The following ZC3H12B variants were observed in gnomAD, a reference collection of about 807,000 sequenced individuals.
The protein encoded by ZC3H12B is probable ribonuclease ZC3H12B.
ZC3H12B carries 7 observed loss-of-function variants against 43.9 expected under a neutral mutation model. The observed-to-expected ratio is 0.16, with a 90% CI of 0.09 to 0.30. The LOEUF is 0.30. Ranked by LOEUF, ZC3H12B falls within the 10% of genes least tolerant of loss-of-function variation. ZC3H12B has a pLI of 1.00. For synonymous variants in ZC3H12B, 222 were observed against 241.7 expected (o/e 0.92, Z 0.76); for missense variants, 475 against 670.2 (o/e 0.71, Z 3.22).
At chrX:65,323,327 A>T in the ZC3H12B span, among the ~76,000 whole-genome samples, 1 of 111,675 alleles carries the variant, frequency 9.0e-6, no homozygotes, top group Non-Finnish European at 1.9e-5. Context: ...ATCAGACCCA[A>T]CCCAGGACAT....
chrX:65,067,422 G>A, the ZC3H12B span, among the ~76,000 whole-genome samples: 1 of 111,217 alleles, frequency 9.0e-6, no homozygotes, highest in African/African-American at 3.3e-5. Flanking sequence ...TGAGCTTCCT[G>A]GGTGATGTGA....
At chrX:65,048,519 A>G in the ZC3H12B span, among the ~76,000 whole-genome samples, 4 of 111,727 alleles carry the variant, frequency 3.6e-5, no homozygotes, top group Non-Finnish European at 7.6e-5. Context: ...ACACCATTAT[A>G]TAGTCCCAAC....
At chrX:65,466,061 G>T (rs905951866) in intron 3 of ZC3H12B, among the ~76,000 whole-genome samples, 3 of 110,162 alleles carry the variant, frequency 2.7e-5, no homozygotes, top group African/African-American at 6.6e-5. Context: ...ATACAATATT[G>T]TTAACTATAG....
At chrX:65,167,118 A>G in the ZC3H12B span, among the ~76,000 whole-genome samples, 2 of 111,885 alleles carry the variant, frequency 1.8e-5, no homozygotes, top group Non-Finnish European at 3.8e-5. Context: ...GTACTTGCCC[A>G]TGCCTATGTC....
At chrX:65,172,891 T>C in the ZC3H12B span, among the ~76,000 whole-genome samples, 1 of 112,133 alleles carries the variant, frequency 8.9e-6, no homozygotes, top group South Asian at 3.7e-4. Context: ...TTGCTTAGGA[T>C]TGTCTTGGCT....
chrX:65,165,740 G>C, the ZC3H12B span, among the ~76,000 whole-genome samples: 8 of 112,121 alleles, frequency 7.1e-5, no homozygotes, highest in African/African-American at 1.9e-4. Flanking sequence ...ATTGAAAATA[G>C]TGCTGCAATA....
intron 3 of ZC3H12B, among the ~76,000 whole-genome samples, chrX:65,417,735 G>T (rs904217949): frequency 8.9e-6 from 1 of 112,740 alleles, no homozygotes; most frequent in Admixed American, 9.3e-5. Flanking sequence ...GCCTTTTTGC[G>T]TGGGCAAAGC....
chrX:65,229,592 C>G, the ZC3H12B span, among the ~76,000 whole-genome samples: 1 of 109,558 alleles, frequency 9.1e-6, no homozygotes, highest in African/African-American at 3.3e-5. Context: ...TCAGAGTGAA[C>G]AGGCAACCTA....
At chrX:65,120,213 A>T in the ZC3H12B span, among the ~76,000 whole-genome samples, 6 of 111,981 alleles carry the variant, frequency 5.4e-5, no homozygotes, top group Admixed American at 1.9e-4. Flanking sequence ...TGGGGATTGC[A>T]TTGAATCTAT....
chrX:65,233,964 T>C, the ZC3H12B span, among the ~76,000 whole-genome samples: 1 of 111,436 alleles, frequency 9.0e-6, no homozygotes, highest in African/African-American at 3.3e-5. Context: ...GAAGAACTAA[T>C]ATCAATCCTT....
the ZC3H12B span, among the ~76,000 whole-genome samples, chrX:65,097,301 G>A: frequency 1.5e-4 from 17 of 111,541 alleles, no homozygotes; most frequent in Non-Finnish European, 2.8e-4. Flanking sequence ...GGTTAATTTG[G>A]CATTACTAGT....
At chrX:65,471,563 G>A (rs1398341675) in intron 3 of ZC3H12B, among the ~76,000 whole-genome samples, 1 of 104,682 alleles carries the variant, frequency 9.6e-6, no homozygotes, top group African/African-American at 3.5e-5. Context: ...CAATTCTCCT[G>A]CCTCAGCCTC....
At chrX:65,406,124 A>C (rs1238202557) in intron 3 of ZC3H12B, among the ~76,000 whole-genome samples, 7 of 111,565 alleles carry the variant, frequency 6.3e-5, no homozygotes, top group Admixed American at 1.9e-4. Context: ...AACAGAAAAT[A>C]CTTCTAAATT....
At chrX:65,292,293 G>A in the ZC3H12B span, among the ~76,000 whole-genome samples, 2 of 112,107 alleles carry the variant, frequency 1.8e-5, no homozygotes, top group Admixed American at 9.5e-5. Context: ...AGAATAAACA[G>A]CATGCAAAAA....
At chrX:65,190,940 A>T in the ZC3H12B span, among the ~76,000 whole-genome samples, 1 of 99,466 alleles carries the variant, frequency 1.0e-5, no homozygotes, top group Non-Finnish European at 2.0e-5. Context: ...TGGGTTTGTC[A>T]TAGATAGCTC....
At chrX:65,121,328 G>T in the ZC3H12B span, among the ~76,000 whole-genome samples, 1 of 111,104 alleles carries the variant, frequency 9.0e-6, no homozygotes, top group South Asian at 3.8e-4. Context: ...CAATTTCAGA[G>T]CCTGTTATTG....
At chrX:65,269,511 A>T in the ZC3H12B span, among the ~76,000 whole-genome samples, 2 of 107,177 alleles carry the variant, frequency 1.9e-5, no homozygotes, top group African/African-American at 7.3e-5. Flanking sequence ...TTTTATTATT[A>T]TTTTTTTTGA....
the ZC3H12B span, among the ~76,000 whole-genome samples, chrX:65,292,834 A>T: frequency 4.5e-5 from 5 of 110,407 alleles, no homozygotes; most frequent in Non-Finnish European, 7.6e-5. Context: ...ATAATAAAAA[A>T]TTAGCTGGGC....
In ZC3H12B at chrX:65,384,876, G is replaced by T. The variant is rs371031846; in HGVS notation, n.296-13717G>T. Among the ~76,000 whole-genome samples, 8 of 112,406 alleles carry T rather than the reference G, an allele frequency of 7.1e-5. No homozygotes were observed. In the East Asian group the frequency reaches 1.9e-3, roughly 27 times the overall value. ...AGGAGTTGGAACATATGGCTAGCCAGTTTTCCCAGCACCATTTGTTAAATA... is the reference window on the plus strand; with the variant it reads ...AGGAGTTGGAACATATGGCTAGCCATTTTTCCCAGCACCATTTGTTAAATA... On this transcript the variant is annotated intron_variant and non_coding_transcript_variant, in intron 2 of 5. Transcript: ENST00000617377.
Sources: allele counts gnomAD v4.1 joint callset (sites outside exome capture counted in the v4.1 genomes callset), GRCh38; gene constraint gnomAD v4.1.1; transcripts MANE v1.5; gene names NCBI Gene and HGNC (gene_info 2026-07-23, HGNC 2026-07-21).